TMEM59L: variants seen among roughly 807,000 people sequenced by gnomAD.
TMEM59L encodes transmembrane protein 59-like.
TMEM59L carries 31 observed loss-of-function variants against 39.6 expected under a neutral mutation model. The ratio of observed to expected loss-of-function variants is 0.78; its 90% confidence interval spans 0.59 to 1.06. The LOEUF is 1.06. TMEM59L is among the 50% of genes least tolerant of loss of function. The probability of loss-of-function intolerance (pLI) is 0.00; values close to 1 mark genes in which losing one functional copy is unlikely to be tolerated. For missense variants in TMEM59L, 441 were observed against 451.3 expected (o/e 0.98, Z 0.21); for synonymous variants, 219 against 202.9 (o/e 1.08, Z -0.68).
At chr19:18,617,624 C>T (rs1459954684) in intron 5 of TMEM59L, 1 of 455,766 alleles carries the variant, frequency 2.2e-6, no homozygotes, top group Non-Finnish European at 4.4e-6. Flanking sequence ...GTTCTTTGGT[C>T]CATCTCTCAG....
Position 18,620,647 on chromosome 19 carries a change from C to A in TMEM59L, c.*111C>A. 7.1e-7 allele frequency: 1 copy of A among 1,399,226 alleles called. No homozygotes were observed. The highest frequency in any genetic ancestry group is 2.6e-5 in the East Asian group (1 of 38,878). The allele number at this position is 1,399,226 out of a possible 1,614,324, so 86.7% of individuals were successfully genotyped here. A position where few individuals can be genotyped will look rare whatever the true frequency, so the allele number is the denominator to read the frequency against. ...GTCCAGCCTTGAGCCCCTCCACCCC[C>A]AAATCCTTCCTCTCCTCCCAGTCCC... On this transcript the variant is annotated 3_prime_UTR_variant, in exon 8 of 8. Transcript: ENST00000262817.
At chr19:18,615,562 C>T (rs1976418487) in intron 3 of TMEM59L, among the ~76,000 whole-genome samples, 1 of 152,228 alleles carries the variant, frequency 6.6e-6, no homozygotes, top group Non-Finnish European at 1.5e-5. Flanking sequence ...CACTTAGCCA[C>T]ATCCAATCCA....
At chr19:18,617,378 C>A (rs1352795721) in intron 5 of TMEM59L, 1 of 554,526 alleles carries the variant, frequency 1.8e-6, no homozygotes, top group East Asian at 4.2e-5. Context: ...GATCCGTGGT[C>A]CACCTCTCAG....
At position 18,620,615 on chromosome 19, in the gene TMEM59L, A is replaced by C; in HGVS notation, c.*79A>C. ...GCCCTGAGCCCAGGAGTCCAAGGGC[A>C]GGGTGGGTCCAGCCTTGAGCCCCTC... On this transcript the variant is annotated 3_prime_UTR_variant, in exon 8 of 8. Transcript: ENST00000262817. 2 of 1,538,992 alleles carry C rather than the reference A, an allele frequency of 1.3e-6. No homozygotes were observed. The highest frequency in any genetic ancestry group is 1.7e-6 in the Non-Finnish European group (2 of 1,143,246).
intron 5 of TMEM59L, chr19:18,617,369 A>G: frequency 1.8e-6 from 1 of 557,846 alleles, no homozygotes; most frequent in Non-Finnish European, 3.4e-6. Context: ...TTTACCAGGG[A>G]TCCGTGGTCC....
Position 18,613,098 on chromosome 19 carries a change from G to A in TMEM59L, c.140G>A (p.Arg47His), listed in dbSNP as rs1202257412. 6.1e-6 allele frequency: 8 copies of A among 1,319,882 alleles called. No individual in the cohort carries two copies. Among genetic ancestry groups the A allele is most frequent in the Admixed American group, 8.0e-5 (2 of 24,914 alleles). 81.8% of individuals were successfully genotyped at this position (1,319,882 alleles called of 1,614,324 possible). A position where few individuals can be genotyped will look rare whatever the true frequency, so the allele number is the denominator to read the frequency against. Residue 47 changes from arginine to histidine, a missense_variant, in exon 1 of 8, where the codon CGC (arginine) becomes CAC (histidine). Coordinates refer to ENST00000262817, the MANE Select transcript of TMEM59L (RefSeq NM_012109.3). The part of the protein sequence containing the change: ...GDTQNCQLRC[R>H]DRDLGPQPSQ... Reference sequence around the variant, plus strand: ...ACGCAGAACTGCCAGCTGCGGTGCCGCGACCGCGACCTCGGCCCGCAGCCC... The same window carrying A: ...ACGCAGAACTGCCAGCTGCGGTGCCACGACCGCGACCTCGGCCCGCAGCCC...
rs774688662 is a variant in TMEM59L, at chr19:18,617,039, C to T, written c.601C>T (p.Arg201Cys). 3.7e-6 allele frequency: 6 copies of T among 1,612,962 alleles called. No homozygotes were observed. Among genetic ancestry groups the T allele is most frequent in the East Asian group, 2.2e-5 (1 of 44,888 alleles). ...IVESLGFQGG[R>C]LQRVEVTWRG... Reference sequence around the variant, plus strand: ...GGAGAGCCTCGGCTTCCAGGGGGGCCGTCTGCAGCGCGTGGAGGTGACCTG... The same window carrying T: ...GGAGAGCCTCGGCTTCCAGGGGGGCTGTCTGCAGCGCGTGGAGGTGACCTG... The change falls in exon 5 of 8, where the codon CGT becomes TGT. Residue 201 changes from arginine to cysteine, a missense_variant. By Grantham distance (180) the Arg-to-Cys change is radical. Coordinates refer to ENST00000262817, the MANE Select transcript of TMEM59L (RefSeq NM_012109.3).
chr19:18,617,812 G>A (rs1976448206), intron 5 of TMEM59L: 1 of 406,000 alleles, frequency 2.5e-6, no homozygotes, highest in Admixed American at 3.6e-5. Context: ...CATCTCCTAA[G>A]GGTCATCTCC....
At chr19:18,615,076 G>A (rs143668942) in intron 3 of TMEM59L, among the ~76,000 whole-genome samples, 2,964 of 152,192 alleles carry the variant, frequency 0.019, 102 homozygotes, top group African/African-American at 0.068. Context: ...TCCGCCTCCC[G>A]GGTTCAAGTG....
chr19:18,614,557 G>T (rs1976407907), intron 3 of TMEM59L, among the ~76,000 whole-genome samples: 1 of 152,200 alleles, frequency 6.6e-6, no homozygotes, highest in Admixed American at 6.5e-5. Flanking sequence ...CATACACAGG[G>T]CTGTGCAAGG....
At position 18,613,934 on chromosome 19, in the gene TMEM59L, GC is replaced by G. The variant is rs749011307; in HGVS notation, c.235del (p.Arg79ValfsTer34). 6.2e-7 allele frequency: 1 copy of G among 1,613,054 alleles called. No homozygotes were observed. Among genetic ancestry groups the G allele is most frequent in the Non-Finnish European group, 8.5e-7 (1 of 1,180,020 alleles). On this transcript the variant is annotated frameshift_variant, in exon 2 of 8. Coordinates refer to ENST00000262817, the MANE Select transcript of TMEM59L (RefSeq NM_012109.3). LOFTEE classifies it high-confidence loss of function. Reference sequence around the variant, plus strand: ...GAGCCGTTCTGATCAGCGCTTGCGAGCGTGGCTGCCGCCTCTTCTCCATCTG... The same window carrying G: ...GAGCCGTTCTGATCAGCGCTTGCGAGGTGGCTGCCGCCTCTTCTCCATCTG... ...DRAVLISACE[R>X]GCRLFSICRF...
At position 18,614,145 on chromosome 19, in the gene TMEM59L, T is replaced by A; in HGVS notation, c.358T>A (p.Cys120Ser). ...AYVKEAEQQA[C>S]SHGCWSQPAE... ...TGTGAAGGAGGCAGAGCAGCAGGCC[T>A]GTAGCCACGGCTGCTGGAGCCAGCC... Residue 120 changes from cysteine (C) to serine (S), a missense_variant, in exon 3 of 8, where the codon TGT becomes AGT. Transcript: ENST00000262817. The A allele has an allele frequency of 6.2e-7, 1 of 1,609,650 alleles. No homozygotes were observed. The highest frequency in any genetic ancestry group is 8.5e-7 in the Non-Finnish European group (1 of 1,178,992).
chr19:18,616,326 ACTT>A (rs1338112329), intron 4 of TMEM59L, among the ~76,000 whole-genome samples, 199 bp downstream of exon 4: 2 of 151,988 alleles, frequency 1.3e-5, no homozygotes, highest in East Asian at 1.9e-4. Context: ...CCAGGCATTT[ACTT>A]CTTCTTGGCA....
chr19:18,620,042 C>T (rs1315342245), intron 7 of TMEM59L, among the ~76,000 whole-genome samples: 1 of 150,692 alleles, frequency 6.6e-6, no homozygotes, highest in African/African-American at 2.4e-5. Context: ...TGTGGTGGCT[C>T]ACACCTGTAA....
intron 7 of TMEM59L, among the ~76,000 whole-genome samples, chr19:18,619,860 C>T (rs894502991): frequency 1.3e-5 from 2 of 151,306 alleles, no homozygotes; most frequent in African/African-American, 4.9e-5. Flanking sequence ...TGTTTATGAT[C>T]CCAGCTACTT....
In TMEM59L at chr19:18,612,952, C is replaced by T. The variant is rs908691767; in HGVS notation, c.-7C>T. 5.4e-6 allele frequency: 7 copies of T among 1,303,194 alleles called. No individual in the cohort carries two copies. The highest frequency in any genetic ancestry group is 6.8e-6 in the Non-Finnish European group (7 of 1,030,394). The allele number at this position is 1,303,194 out of a possible 1,614,324, so 80.7% of individuals were successfully genotyped here. ...AGTCCCCCGCGCCCCCCGCGTTCCG[C>T]CCGGCCATGGCTGCGGTGGCGCTGA... On this transcript the variant is annotated 5_prime_UTR_variant, in exon 1 of 8. Transcript: ENST00000262817. The surrounding 1 kb of genome is among the most constrained non-coding windows in gnomAD (Gnocchi z 6.2).
chr19:18,616,387 T>TTTG (rs71166532), intron 4 of TMEM59L, among the ~76,000 whole-genome samples: 5 of 151,550 alleles, frequency 3.3e-5, no homozygotes, highest in African/African-American at 9.7e-5. Context: ...GTGGTTTTTT[T>TTTG]TTGTTGTTGT....
At chr19:18,616,249 C>G (rs1976426355) in intron 4 of TMEM59L, 122 bp downstream of exon 4, 1 of 1,210,618 alleles carries the variant, frequency 8.3e-7, no homozygotes. Context: ...TCAGGCACAG[C>G]TGGATCCAGG....
chr19:18,617,257 G>A (rs138243271), intron 5 of TMEM59L, 155 bp downstream of exon 5: 1 of 701,940 alleles, frequency 1.4e-6, no homozygotes, highest in Non-Finnish European at 2.6e-6. Flanking sequence ...TATTTCCCAG[G>A]GTTCCATGGT....
Sources: gnomAD v4.1 joint callset for allele counts (sites outside exome capture counted in the v4.1 genomes callset) on GRCh38, gnomAD v4.1.1 for gene constraint, Gnocchi (gnomAD v3.1) non-coding constraint, MANE v1.5 for transcripts, NCBI Gene and HGNC (gene_info 2026-07-23, HGNC 2026-07-21) for gene names.